The following FBXL17 variants were observed in gnomAD, a reference collection of about 807,000 sequenced individuals.
FBXL17 encodes F-box and leucine rich repeat protein 17.
FBXL17 carries 22 observed loss-of-function variants against 66.2 expected under a neutral mutation model. That is an observed-to-expected ratio of 0.33 (90% CI 0.24 to 0.47). The LOEUF (loss-of-function observed/expected upper bound fraction) is 0.47. FBXL17 is among the 20% of genes least tolerant of loss of function. The pLI, the probability that FBXL17 is intolerant of heterozygous loss-of-function variation, is 1.00. For missense variants in FBXL17, 878 were observed against 948.2 expected (o/e 0.93, Z 0.97); for synonymous variants, 474 against 400.5 (o/e 1.18, Z -2.19).
In FBXL17 at chr5:108,381,958, C is replaced by T. The variant is rs868468231; in HGVS notation, c.-267G>A. 12 of 1,231,310 alleles carry T rather than the reference C, an allele frequency of 9.7e-6. No individual in the cohort carries two copies. The East Asian group carries it at 1.3e-4, about 14-fold the overall frequency. The allele number at this position is 1,231,310 out of a possible 1,614,324, so 76.3% of individuals were successfully genotyped here. A position where few individuals can be genotyped will look rare whatever the true frequency, so the allele number is the denominator to read the frequency against. The stretch of plus-strand genomic sequence containing the variant: ...AGCTTTGGGGACGCGAGGGAGGGAG[C>T]GAGCGAGCCTGCCGGCTAGGCGACC... On this transcript the variant is annotated 5_prime_UTR_variant, in exon 1 of 9. Transcript: ENST00000542267.
At position 108,106,361 on chromosome 5, in the gene FBXL17, T is replaced by C. The variant is rs571891301; in HGVS notation, c.1745+79756A>G. Among the ~76,000 whole-genome samples the C allele has an allele frequency of 4.1e-4, 62 of 152,332 alleles. No homozygotes were observed. In the Middle Eastern group the frequency reaches 0.01, roughly 25 times the overall value. ...CTCTGGAAGGAAGTCTGGGAGTTCCTCAGAATATTAAATGTAAAGTTGCCA... is the reference window on the plus strand; with the variant it reads ...CTCTGGAAGGAAGTCTGGGAGTTCCCCAGAATATTAAATGTAAAGTTGCCA... On this transcript the variant is annotated intron_variant, in intron 6 of 8. Coordinates refer to ENST00000542267, the MANE Select transcript of FBXL17 (RefSeq NM_001163315.3).
At chr5:108,109,171 G>A (rs944617945) in intron 6 of FBXL17, among the ~76,000 whole-genome samples, 1 of 152,168 alleles carries the variant, frequency 6.6e-6, no homozygotes, top group Non-Finnish European at 1.5e-5. Flanking sequence ...AGGACAAAGA[G>A]TAATGGAGAG....
In FBXL17 at chr5:108,304,038, C is replaced by A. The variant is rs375272896; in HGVS notation, c.1506+44361G>T. On this transcript the variant is annotated intron_variant, in intron 4 of 8. Coordinates refer to ENST00000542267, the MANE Select transcript of FBXL17 (RefSeq NM_001163315.3). ...TTACTGGGAGTGGGGTTATCTTATA[C>A]CATGTTCCTTCCTACTAATTTACCT... Among the ~76,000 whole-genome samples the A allele has an allele frequency of 9.1e-4, 139 of 151,984 alleles. 2 individuals are homozygous for A. In the South Asian group the frequency reaches 0.027, roughly 30 times the overall value.
At chr5:107,989,748 T>A (rs907800045) in intron 7 of FBXL17, among the ~76,000 whole-genome samples, 1 of 152,124 alleles carries the variant, frequency 6.6e-6, no homozygotes, top group Admixed American at 6.6e-5. Flanking sequence ...CTAATTTACA[T>A]TCCCCAAGAA....
At chr5:108,012,417 C>G (rs541539937) in intron 7 of FBXL17, among the ~76,000 whole-genome samples, 4 of 152,234 alleles carry the variant, frequency 2.6e-5, no homozygotes, top group African/African-American at 9.6e-5. Flanking sequence ...GTAAATTAAA[C>G]CTATTAAGTT....
intron 4 of FBXL17, among the ~76,000 whole-genome samples, chr5:108,329,986 A>C (rs376465978): frequency 6.6e-6 from 1 of 152,164 alleles, no homozygotes; most frequent in African/African-American, 2.4e-5. Flanking sequence ...TGGCCTATGG[A>C]AAAGGGTCTG....
At chr5:107,956,456 T>C (rs1435286470) in intron 7 of FBXL17, among the ~76,000 whole-genome samples, 1 of 152,198 alleles carries the variant, frequency 6.6e-6, no homozygotes, top group Non-Finnish European at 1.5e-5. Flanking sequence ...TAAGGCGTAG[T>C]GATCAGAGTT....
At chr5:107,987,584 TG>T (rs1474333417) in intron 7 of FBXL17, among the ~76,000 whole-genome samples, 2 of 152,054 alleles carry the variant, frequency 1.3e-5, no homozygotes, top group African/African-American at 4.8e-5. Context: ...TTCAGTGGCC[TG>T]GCATGAGCCC....
intron 7 of FBXL17, among the ~76,000 whole-genome samples, chr5:107,947,309 A>C (rs1373368543): frequency 6.6e-6 from 1 of 152,202 alleles, no homozygotes; most frequent in Admixed American, 6.5e-5. Flanking sequence ...TATGGGCTTT[A>C]AGCTCTGGCA....
At chr5:108,051,029 T>G (rs1747451122) in intron 6 of FBXL17, among the ~76,000 whole-genome samples, 1 of 152,224 alleles carries the variant, frequency 6.6e-6, no homozygotes, top group South Asian at 2.1e-4. Flanking sequence ...TTCCAAAGAC[T>G]AAACCAAGAA....
intron 6 of FBXL17, among the ~76,000 whole-genome samples, chr5:108,093,467 T>G (rs1340129126): frequency 6.6e-6 from 1 of 152,162 alleles, no homozygotes. Flanking sequence ...ATTAAAACGA[T>G]TACTACTAAA....
intron 6 of FBXL17, among the ~76,000 whole-genome samples, chr5:108,136,616 C>CA (rs1332684659): frequency 6.6e-6 from 1 of 151,922 alleles, no homozygotes; most frequent in Non-Finnish European, 1.5e-5. Context: ...CTCCTTACAC[C>CA]AAAAAAGATA....
At chr5:108,164,567 T>C (rs1304585680) in intron 6 of FBXL17, among the ~76,000 whole-genome samples, 1 of 152,136 alleles carries the variant, frequency 6.6e-6, no homozygotes, top group Non-Finnish European at 1.5e-5. Context: ...TCCAACATCA[T>C]TGTAGGTAGA....
chr5:108,252,841 T>G (rs989140797), intron 4 of FBXL17, among the ~76,000 whole-genome samples: 1 of 152,186 alleles, frequency 6.6e-6, no homozygotes, highest in South Asian at 2.1e-4. Context: ...CCATTCCTTA[T>G]GCTCTAATTG....
chr5:108,381,764 G>A lies in FBXL17; in HGVS notation c.-73C>T, dbSNP rs951030789. 8 of 1,370,470 alleles carry A rather than the reference G, an allele frequency of 5.8e-6. No individual in the cohort carries two copies. The highest frequency in any genetic ancestry group is 7.5e-6 in the Non-Finnish European group (8 of 1,067,604). 84.9% of individuals were successfully genotyped at this position (1,370,470 alleles called of 1,614,324 possible). A position where few individuals can be genotyped will look rare whatever the true frequency, so the allele number is the denominator to read the frequency against. ...AGAGAGGCGGGCTCCCGGCAGCGGG[G>A]CAGGCCGCTCGCTGGCTCGGCCCCC... is the stretch of plus-strand genomic sequence containing the variant. On this transcript the variant is annotated 5_prime_UTR_variant, in exon 1 of 9. Coordinates refer to ENST00000542267, the MANE Select transcript of FBXL17 (RefSeq NM_001163315.3).
chr5:108,220,349 C>G (rs1754806353), intron 5 of FBXL17, among the ~76,000 whole-genome samples: 1 of 152,112 alleles, frequency 6.6e-6, no homozygotes, highest in Non-Finnish European at 1.5e-5. Context: ...AGTTACCCCC[C>G]AACCTGTGCT....
At chr5:108,288,060 C>A (rs1021752903) in intron 4 of FBXL17, among the ~76,000 whole-genome samples, 1 of 151,684 alleles carries the variant, frequency 6.6e-6, no homozygotes, top group African/African-American at 2.4e-5. Context: ...GGGAGATAAC[C>A]ACTGAGTACA....
At chr5:107,962,407 C>T (rs1368828090) in intron 7 of FBXL17, among the ~76,000 whole-genome samples, 1 of 152,122 alleles carries the variant, frequency 6.6e-6, no homozygotes, top group Non-Finnish European at 1.5e-5. Context: ...ATTGACCCAT[C>T]CATTCTGTGT....
intron 4 of FBXL17, among the ~76,000 whole-genome samples, chr5:108,283,104 T>C (rs549028515): frequency 6.6e-6 from 1 of 151,800 alleles, no homozygotes; most frequent in Admixed American, 6.6e-5. Flanking sequence ...TTCAATGCAA[T>C]CCCTATCAAA....
Sources: allele counts gnomAD v4.1 joint callset (sites outside exome capture counted in the v4.1 genomes callset), GRCh38; gene constraint gnomAD v4.1.1; transcripts MANE v1.5; gene names NCBI Gene and HGNC (gene_info 2026-07-23, HGNC 2026-07-21).